Variants in UNC13A observed in about 807,000 individuals in gnomAD.
The protein encoded by UNC13A is unc-13 homolog A, also known as protein unc-13 homolog A.
Under a neutral mutation model 219.7 loss-of-function variants are expected in UNC13A, and 61 were observed. That is an observed-to-expected ratio of 0.28 (90% CI 0.23 to 0.34). The LOEUF is 0.34. UNC13A is among the 10% of genes least tolerant of loss of function. The pLI is 1.00. For synonymous variants in UNC13A, 920 were observed against 884.6 expected (o/e 1.04, Z -0.71); for missense variants, 1,476 against 2,270.3 (o/e 0.65, Z 7.11).
intron 15 of UNC13A, 99 bp from the exon 16 acceptor site, chr19:17,648,749 G>C: frequency 1.3e-6 from 2 of 1,505,656 alleles, no homozygotes; most frequent in Non-Finnish European, 1.8e-6. Flanking sequence ...AAAGTCCCAG[G>C]CCCTCCCCTG....
chr19:17,669,780 C>T, intron 4 of UNC13A, 104 bp from the exon 5 acceptor site: 1 of 1,355,044 alleles, frequency 7.4e-7, no homozygotes, highest in Non-Finnish European at 9.8e-7. Flanking sequence ...TACCCCAAAA[C>T]CAAAGTCATG....
chr19:17,632,944 G>A, intron 27 of UNC13A, 36 bp from the exon 28 acceptor site: 1 of 1,613,368 alleles, frequency 6.2e-7, no homozygotes, highest in Non-Finnish European at 8.5e-7. Context: ...CAGCTGGAAG[G>A]GTCTGCCACC....
chr19:17,642,078 A>G (rs759803810), intron 20 of UNC13A, among the ~76,000 whole-genome samples: 3 of 151,496 alleles, frequency 2.0e-5, no homozygotes, highest in Non-Finnish European at 2.9e-5. Context: ...CCATCTGACT[A>G]TCAACAAATT....
chr19:17,649,486 G>T lies in UNC13A; in HGVS notation c.1518+23C>A, dbSNP rs369659030. The stretch of plus-strand genomic sequence containing the variant: ...TTATAGCAGGCCTGCTCTGCTCAGG[G>T]AGTAAAGGGCGAGGGTGCTTACCAA... On this transcript the variant is annotated intron_variant, in intron 13 of 43. Coordinates refer to ENST00000519716, the MANE Select transcript of UNC13A (RefSeq NM_001080421.3). The surrounding 1 kb of genome is among the most constrained non-coding windows in gnomAD (Gnocchi z 4.4). The T allele has an allele frequency of 5.0e-6, 8 of 1,613,800 alleles. No individual in the cohort carries two copies. The African/African-American group carries it at 8.0e-5, about 16-fold the overall frequency.
chr19:17,612,898 CT>C (rs1486806904), intron 41 of UNC13A, among the ~76,000 whole-genome samples: 1 of 151,874 alleles, frequency 6.6e-6, no homozygotes, highest in Admixed American at 6.6e-5. Flanking sequence ...TGTCCCTCCT[CT>C]GCTCAAAACT....
In UNC13A at chr19:17,650,933, AT is replaced by A. The variant is rs34451347; in HGVS notation, c.1440-1347del. Among the ~76,000 whole-genome samples the A allele has an allele frequency of 1.2e-3, 149 of 128,264 alleles. 1 individual carries two copies. The highest frequency in any genetic ancestry group is 8.2e-3 in the Middle Eastern group (2 of 244). 84.1% of individuals were successfully genotyped at this position (128,264 alleles called of 152,430 possible). Reference sequence around the variant, plus strand: ...AGGTGTACACCGCCACACCCAGCAAATTTTTTTTTTTTTTTTTTTTTTGAGA... The same window carrying A: ...AGGTGTACACCGCCACACCCAGCAAATTTTTTTTTTTTTTTTTTTTTGAGA... On this transcript the variant is annotated intron_variant, in intron 12 of 43. Coordinates refer to ENST00000519716, the MANE Select transcript of UNC13A (RefSeq NM_001080421.3).
At chr19:17,630,105 A>T in intron 30 of UNC13A, 40 bp downstream of exon 30, 1 of 1,548,022 alleles carries the variant, frequency 6.5e-7, no homozygotes, top group Non-Finnish European at 8.7e-7. Flanking sequence ...CCTAACCCTG[A>T]CCCTGTCCCC....
In UNC13A at chr19:17,629,244, T is replaced by A; in HGVS notation, c.3749A>T (p.Lys1250Ile). The A allele has an allele frequency of 6.2e-7, 1 of 1,608,840 alleles. No individual in the cohort carries two copies. The highest frequency in any genetic ancestry group is 8.5e-7 in the Non-Finnish European group (1 of 1,177,968). Residue 1250 changes from lysine (K) to isoleucine (I), a missense_variant, in exon 31 of 44, where the codon AAA becomes ATA. By Grantham distance (102) the Lys-to-Ile change is moderately radical. Transcript: ENST00000519716. ...FASYCSKEKE[K>I]VPCILMNNTQ... ...TCAGGGGCCCCCTCAGGTCACCACTTTCTCCTTCTCCTTGGAGCAGTAGGA... is the reference window on the plus strand; with the variant it reads ...TCAGGGGCCCCCTCAGGTCACCACTATCTCCTTCTCCTTGGAGCAGTAGGA...
intron 36 of UNC13A, chr19:17,622,870 TG>T (rs1330158420): frequency 1.3e-5 from 2 of 152,264 alleles, no homozygotes; most frequent in African/African-American, 4.8e-5. Context: ...AAACAGAGGC[TG>T]GGAGGTCAAG....
intron 1 of UNC13A, among the ~76,000 whole-genome samples, chr19:17,687,310 A>G (rs1388709296): frequency 6.6e-6 from 1 of 150,634 alleles, no homozygotes; most frequent in Non-Finnish European, 1.5e-5. Flanking sequence ...CTCCCCCCCC[A>G]CCTCACGTCT....
chr19:17,654,159 G>A (rs2079407229), intron 11 of UNC13A, among the ~76,000 whole-genome samples: 1 of 152,130 alleles, frequency 6.6e-6, no homozygotes. Flanking sequence ...CTCCTCCAGG[G>A]AGTTTTCCTG....
chr19:17,651,989 CA>C (rs2079357434), intron 12 of UNC13A, among the ~76,000 whole-genome samples: 1 of 152,184 alleles, frequency 6.6e-6, no homozygotes, highest in African/African-American at 2.4e-5. Flanking sequence ...AAAGAGCCCA[CA>C]ACTGTAGCAA....
rs1351821480 is a variant in UNC13A, at chr19:17,627,324, A to G, written c.3920+185T>C. ...ATAAAAAAAAAAATAAGGCTCAGAG[A>G]AGTTAAGTGACTCACCCAAGGCCAC... On this transcript the variant is annotated intron_variant, in intron 33 of 43. Transcript: ENST00000519716. The surrounding 1 kb of genome is among the most constrained non-coding windows in gnomAD (Gnocchi z 4.7). 6.6e-6 allele frequency among the ~76,000 whole-genome samples: 1 copy of G among 152,092 alleles called. No individual in the cohort carries two copies. The highest frequency in any genetic ancestry group is 1.5e-5 in the Non-Finnish European group (1 of 68,026).
intron 43 of UNC13A, 43 bp from the exon 44 acceptor site, chr19:17,606,397 G>A: frequency 6.5e-7 from 1 of 1,529,066 alleles, no homozygotes; most frequent in Non-Finnish European, 8.8e-7. Flanking sequence ...CACACCTACT[G>A]TGATGCCCCG....
chr19:17,659,959 G>C (rs1029447135), intron 8 of UNC13A, among the ~76,000 whole-genome samples: 2 of 152,118 alleles, frequency 1.3e-5, no homozygotes, highest in Non-Finnish European at 1.5e-5. Flanking sequence ...GCAGTGGCGC[G>C]ATCAAAACTC....
At chr19:17,615,413 C>T (rs1315388431) in intron 41 of UNC13A, among the ~76,000 whole-genome samples, 1 of 151,688 alleles carries the variant, frequency 6.6e-6, no homozygotes, top group Non-Finnish European at 1.5e-5. Context: ...GGGATTACAC[C>T]TGTCATCCTA....
At chr19:17,606,573 G>T (rs911345268) in intron 43 of UNC13A, among the ~76,000 whole-genome samples, 1 of 151,912 alleles carries the variant, frequency 6.6e-6, no homozygotes, top group East Asian at 1.9e-4. Context: ...CCACGCCCAC[G>T]CCTGTTCTTC....
Position 17,601,370 on chromosome 19 carries a change from TAATAA to T in UNC13A, c.*4679_*4683del, listed in dbSNP as rs1249961758. The T allele has an allele frequency of 6.6e-6, 1 of 152,538 alleles. No homozygotes were observed. Among genetic ancestry groups the T allele is most frequent in the East Asian group, 1.9e-4 (1 of 5,202 alleles). 9.4% of individuals were successfully genotyped at this position (152,538 alleles called of 1,614,324 possible). A position where few individuals can be genotyped will look rare whatever the true frequency, so the allele number is the denominator to read the frequency against. On this transcript the variant is annotated 3_prime_UTR_variant, in exon 44 of 44. Coordinates refer to ENST00000519716, the MANE Select transcript of UNC13A (RefSeq NM_001080421.3). ...TTTTTCTTTTTTTAATGTCTGCTGT[TAATAA>T]AATATTTTTACAGAGACCAAAAAGT...
intron 37 of UNC13A, among the ~76,000 whole-genome samples, chr19:17,621,559 G>C (rs887244523): frequency 2.0e-5 from 3 of 152,076 alleles, no homozygotes; most frequent in Admixed American, 1.3e-4. Flanking sequence ...GCTGAGCCCA[G>C]GGCTCAGATG....
Sources: gnomAD v4.1 joint callset for allele counts (sites outside exome capture counted in the v4.1 genomes callset) on GRCh38, gnomAD v4.1.1 for gene constraint, Gnocchi (gnomAD v3.1) non-coding constraint, MANE v1.5 for transcripts, NCBI Gene and HGNC (gene_info 2026-07-23, HGNC 2026-07-21) for gene names.